The following ZFAND6 variants were observed in gnomAD, a reference collection of about 807,000 sequenced individuals.
ZFAND6 encodes AN1-type zinc finger protein 6.
In ZFAND6, 12 loss-of-function variants were observed where a neutral mutation model predicts 24.5. The observed-to-expected ratio is 0.49, with a 90% CI of 0.31 to 0.79. The LOEUF (loss-of-function observed/expected upper bound fraction) is 0.79. Ranked by LOEUF, ZFAND6 falls within the 30% of genes least tolerant of loss-of-function variation. ZFAND6 has a pLI of 0.04. For missense variants in ZFAND6, 207 were observed against 245.9 expected, an observed-to-expected ratio of 0.84 and a Z score of 1.06; for synonymous variants, 92 against 81.5, an observed-to-expected ratio of 1.13 and a Z score of -0.69.
chr15:80,094,637 G>C (rs1164536758), intron 1 of ZFAND6, among the ~76,000 whole-genome samples: 2 of 152,020 alleles, frequency 1.3e-5, no homozygotes, highest in African/African-American at 4.8e-5. Context: ...CTTACATCAT[G>C]TTCCTTCACC....
chr15:80,075,231 T>C (rs2037203648), intron 1 of ZFAND6: 3 of 181,368 alleles, frequency 1.7e-5, no homozygotes, highest in African/African-American at 2.4e-5. Flanking sequence ...CATATTTCTA[T>C]CACAAATATT....
intron 6 of ZFAND6, among the ~76,000 whole-genome samples, chr15:80,134,186 C>T (rs756853792): frequency 2.6e-5 from 4 of 152,110 alleles, no homozygotes; most frequent in Non-Finnish European, 5.9e-5. Context: ...GACGGGGTTT[C>T]GCCCTGTTGG....
intron 2 of ZFAND6, among the ~76,000 whole-genome samples, chr15:80,101,411 G>A (rs1160215379): frequency 1.3e-5 from 2 of 152,004 alleles, no homozygotes; most frequent in East Asian, 3.9e-4. Context: ...TGCACTGAGT[G>A]GAAATTGCGC....
chr15:80,114,452 TATG>T (rs779170627), intron 2 of ZFAND6, among the ~76,000 whole-genome samples: 26 of 152,092 alleles, frequency 1.7e-4, no homozygotes, highest in Admixed American at 5.2e-4. Flanking sequence ...ACCGAAGTAA[TATG>T]ATGAGAACTG....
chr15:80,074,777 TA>T (rs1228984722), intron 1 of ZFAND6, among the ~76,000 whole-genome samples: 1 of 152,032 alleles, frequency 6.6e-6, no homozygotes, highest in African/African-American at 2.4e-5. Flanking sequence ...TGTATACTTT[TA>T]CTAGCTTGTC....
At chr15:80,100,352 C>T (rs2038966335) in intron 2 of ZFAND6, among the ~76,000 whole-genome samples, 1 of 152,128 alleles carries the variant, frequency 6.6e-6, no homozygotes, top group Non-Finnish European at 1.5e-5. Flanking sequence ...TTGGAACATA[C>T]TAATGAAACT....
chr15:80,076,887 C>T (rs2037314486), intron 1 of ZFAND6, among the ~76,000 whole-genome samples: 1 of 151,382 alleles, frequency 6.6e-6, no homozygotes, highest in African/African-American at 2.4e-5. Context: ...TCTAAAAATG[C>T]TTTAAGGGAA....
intron 1 of ZFAND6, among the ~76,000 whole-genome samples, chr15:80,075,688 A>G (rs1236721595): frequency 1.3e-5 from 2 of 152,084 alleles, no homozygotes. Flanking sequence ...AGTTGATAAA[A>G]CTTGAAAGAA....
rs189915152 is a variant in ZFAND6 at position 80,136,912 on chromosome 15, G to A, written c.479-568G>A. 2.4e-4 allele frequency among the ~76,000 whole-genome samples: 37 copies of A among 152,236 alleles called. No homozygotes were observed. In the East Asian group the frequency reaches 3.7e-3, roughly 15 times the overall value. ...TTATTATTATTCCAAAATTACAGAT[G>A]CAGAAACTCAAGCTCAGAGAGGCTA... On this transcript the variant is annotated intron_variant, in intron 6 of 6. Coordinates refer to ENST00000261749, the MANE Select transcript of ZFAND6 (RefSeq NM_019006.4).
At chr15:80,125,199 C>T (rs1357117462) in intron 5 of ZFAND6, among the ~76,000 whole-genome samples, 1 of 152,126 alleles carries the variant, frequency 6.6e-6, no homozygotes, top group Non-Finnish European at 1.5e-5. Context: ...AGTTGTGGAG[C>T]TTGTTGGACT....
intron 5 of ZFAND6, among the ~76,000 whole-genome samples, chr15:80,124,096 C>T (rs986503889): frequency 2.0e-5 from 3 of 152,046 alleles, no homozygotes; most frequent in East Asian, 3.8e-4. Context: ...TTCTTAGTTA[C>T]ATCAAAAAAT....
intron 5 of ZFAND6, among the ~76,000 whole-genome samples, chr15:80,128,246 G>A (rs2040454870): frequency 6.6e-6 from 1 of 152,158 alleles, no homozygotes; most frequent in Non-Finnish European, 1.5e-5. Context: ...GTAGATAGTG[G>A]TAATAGTTTT....
chr15:80,072,774 A>C (rs2037052465), intron 1 of ZFAND6: 2 of 152,088 alleles, frequency 1.3e-5, no homozygotes, highest in African/African-American at 4.8e-5. Flanking sequence ...AAAATTAAGC[A>C]GGGAAGCAGA....
At position 80,121,701 on chromosome 15, in the gene ZFAND6, T is replaced by G. The variant is rs1316947740; in HGVS notation, c.155-11T>G. 1 of 1,611,128 alleles carries G rather than the reference T, an allele frequency of 6.2e-7. No homozygotes were observed. The highest frequency in any genetic ancestry group is 8.5e-7 in the Non-Finnish European group (1 of 1,177,662). On this transcript the variant is annotated splice_polypyrimidine_tract_variant and intron_variant, in intron 3 of 6. Transcript: ENST00000261749. ...ATAGAATCACTAATACGCAATGTGG[T>G]ACTGTTACAGCAACCTCTGTCAGTA... is the stretch of plus-strand genomic sequence containing the variant.
chr15:80,072,500 G>A (rs1263621252), intron 1 of ZFAND6: 1 of 151,996 alleles, frequency 6.6e-6, no homozygotes, highest in Non-Finnish European at 1.5e-5. Flanking sequence ...ACAATTATCA[G>A]TTTCACTAAC....
At chr15:80,099,195 T>A (rs1418730717) in intron 2 of ZFAND6, among the ~76,000 whole-genome samples, 1 of 152,154 alleles carries the variant, frequency 6.6e-6, no homozygotes. Context: ...AATCTCCTTT[T>A]CTTTCCTTTA....
At chr15:80,075,561 T>TA (rs1240665925) in intron 1 of ZFAND6, among the ~76,000 whole-genome samples, 2 of 152,030 alleles carry the variant, frequency 1.3e-5, no homozygotes, top group Non-Finnish European at 2.9e-5. Flanking sequence ...AAAGTGATGG[T>TA]TGCGTTTTAT....
At chr15:80,089,271 T>TTG (rs1555430126) in intron 1 of ZFAND6, among the ~76,000 whole-genome samples, 3 of 139,520 alleles carry the variant, frequency 2.2e-5, no homozygotes, top group Non-Finnish European at 4.7e-5. Flanking sequence ...TTTTTTTTTT[T>TTG]TTTTTTTTTT....
At chr15:80,111,378 C>T (rs2039601895) in intron 2 of ZFAND6, 1 of 389,828 alleles carries the variant, frequency 2.6e-6, no homozygotes, top group Non-Finnish European at 5.1e-6. Context: ...CTCTTGCAGT[C>T]AACCCTGCCA....
Sources: gnomAD v4.1 joint callset for allele counts (sites outside exome capture counted in the v4.1 genomes callset) on GRCh38, gnomAD v4.1.1 for gene constraint, MANE v1.5 for transcripts, NCBI Gene and HGNC (gene_info 2026-07-23, HGNC 2026-07-21) for gene names.